SPOCK3: variants seen among roughly 807,000 people sequenced by gnomAD.
The protein encoded by SPOCK3 is SPARC (osteonectin), cwcv and kazal like domains proteoglycan 3, also known as testican-3.
SPOCK3 carries 30 observed loss-of-function variants against 56.6 expected under a neutral mutation model. The ratio of observed to expected loss-of-function variants is 0.53; its 90% CI spans 0.40 to 0.72. SPOCK3 has a LOEUF of 0.72. SPOCK3 is among the 30% of genes least tolerant of loss of function. SPOCK3 has a pLI of 0.00. For synonymous variants in SPOCK3, 196 were observed against 183.3 expected, an observed-to-expected ratio of 1.07 and a Z score of -0.56; for missense variants, 527 against 530.0, an observed-to-expected ratio of 0.99 and a Z score of 0.06.
At chr4:167,095,019 G>C (rs568988349) in intron 2 of SPOCK3, among the ~76,000 whole-genome samples, 7 of 152,056 alleles carry the variant, frequency 4.6e-5, no homozygotes, top group Admixed American at 3.3e-4. Context: ...CTCTCAGCTC[G>C]AAGACAGTCA....
intron 8 of SPOCK3, among the ~76,000 whole-genome samples, chr4:166,753,629 T>C (rs1012977562): frequency 6.6e-6 from 1 of 152,066 alleles, no homozygotes; most frequent in African/African-American, 2.4e-5. Flanking sequence ...TATCGAAGAC[T>C]GGTAATCATT....
At chr4:167,013,399 T>C (rs949326309) in intron 3 of SPOCK3, among the ~76,000 whole-genome samples, 12 of 151,698 alleles carry the variant, frequency 7.9e-5, no homozygotes, top group Non-Finnish European at 5.9e-5. Flanking sequence ...ATATATAATA[T>C]TGTCTTCTAA....
chr4:167,003,566 A>C (rs1281418274), intron 3 of SPOCK3, among the ~76,000 whole-genome samples: 2 of 152,308 alleles, frequency 1.3e-5, no homozygotes, highest in East Asian at 1.9e-4. Flanking sequence ...GCATAAATTC[A>C]TCATCTCCCT....
intron 4 of SPOCK3, among the ~76,000 whole-genome samples, chr4:166,927,662 G>C (rs1371713083): frequency 2.6e-5 from 4 of 152,124 alleles, no homozygotes; most frequent in Admixed American, 6.5e-5. Flanking sequence ...CATCACCTCG[G>C]TTTTGGAAAG....
chr4:166,805,591 T>C (rs1743078421), intron 6 of SPOCK3, among the ~76,000 whole-genome samples: 1 of 152,112 alleles, frequency 6.6e-6, no homozygotes. Context: ...AAAAAATGCA[T>C]ATTTAATCAG....
At chr4:167,122,040 T>C (rs948983410) in intron 2 of SPOCK3, among the ~76,000 whole-genome samples, 5 of 147,570 alleles carry the variant, frequency 3.4e-5, no homozygotes, top group African/African-American at 1.2e-4. Flanking sequence ...CCTGCCTCCC[T>C]CCCTTCCTTC....
At chr4:166,937,811 T>G (rs1210026653) in intron 4 of SPOCK3, among the ~76,000 whole-genome samples, 2 of 149,710 alleles carry the variant, frequency 1.3e-5, no homozygotes, top group African/African-American at 4.9e-5. Flanking sequence ...AGGCTAGAGT[T>G]AGAGTGCAGT....
intron 4 of SPOCK3, among the ~76,000 whole-genome samples, chr4:166,961,094 A>G (rs1033820484): frequency 3.3e-5 from 5 of 152,184 alleles, no homozygotes; most frequent in African/African-American, 1.2e-4. Flanking sequence ...GGCAAATGAT[A>G]TAATCATACA....
chr4:166,992,227 G>C (rs915015142), intron 4 of SPOCK3, among the ~76,000 whole-genome samples: 1 of 151,984 alleles, frequency 6.6e-6, no homozygotes, highest in African/African-American at 2.4e-5. Flanking sequence ...GGAACTGAGT[G>C]GTCTGCGGAG....
chr4:166,823,902 C>T (rs888827199), intron 6 of SPOCK3, among the ~76,000 whole-genome samples: 2 of 152,048 alleles, frequency 1.3e-5, no homozygotes, highest in East Asian at 3.9e-4. Context: ...CAAGTTTTTG[C>T]CTTTAGTACC....
In SPOCK3 at chr4:167,003,921, T is replaced by A. The variant is rs183852762; in HGVS notation, c.236-3458A>T. Among the ~76,000 whole-genome samples the A allele has an allele frequency of 2.8e-3, 434 of 152,322 alleles. 2 individuals carry two copies. Among genetic ancestry groups the A allele is most frequent in the African/African-American group, 0.01 (418 of 41,568 alleles). ...ATCTTTTGCCAGAATACTTGTTTTT[T>A]AGTCCAGAATTTTTCCCAGTTACTT... is the stretch of plus-strand genomic sequence containing the variant. On this transcript the variant is annotated intron_variant, in intron 3 of 10. Transcript: ENST00000357545.
Position 167,234,075 on chromosome 4 carries a change from C to T in SPOCK3, c.99G>A (p.Ser33=). 6.2e-7 allele frequency: 1 copy of T among 1,613,850 alleles called. No individual in the cohort carries two copies. Among genetic ancestry groups the T allele is most frequent in the Non-Finnish European group, 8.5e-7 (1 of 1,179,974 alleles). ...AAAVAAAGGR[S]DGGNFLDDKQ... ...TATCATCCAGAAAATTACCGCCGTC[C>T]GACCGCCCCCCGGCTGCAGCCACCG... Residue 33 remains serine, a synonymous_variant, in exon 2 of 11, where the codon TCG becomes TCA. Coordinates refer to ENST00000357545, the MANE Select transcript of SPOCK3 (RefSeq NM_001040159.2).
chr4:166,792,183 C>A lies in SPOCK3; in HGVS notation c.696G>T (p.Arg232Ser). ...SQNKKTKTLL[R>S]PERSRFDTSI... Reference sequence around the variant, plus strand: ...TAGAAATCTTACTGCTTCTCTCAGGCCTCAGCAATGTTTTTGTCTTCTTGT... The same window carrying A: ...TAGAAATCTTACTGCTTCTCTCAGGACTCAGCAATGTTTTTGTCTTCTTGT... Residue 232 changes from arginine (R) to serine (S), a missense_variant, in exon 7 of 11, where the codon AGG becomes AGT. Arg to Ser is a moderately radical substitution (Grantham distance 110). Coordinates refer to ENST00000357545, the MANE Select transcript of SPOCK3 (RefSeq NM_001040159.2). 1 of 1,613,804 alleles carries A rather than the reference C, an allele frequency of 6.2e-7. No individual in the cohort carries two copies. Among genetic ancestry groups the A allele is most frequent in the East Asian group, 2.2e-5 (1 of 44,850 alleles).
intron 3 of SPOCK3, among the ~76,000 whole-genome samples, chr4:167,056,381 C>A (rs1168006629): frequency 6.6e-6 from 1 of 152,216 alleles, no homozygotes; most frequent in Non-Finnish European, 1.5e-5. Flanking sequence ...CAGAGTGCCT[C>A]TTCTCCTCCA....
chr4:166,762,281 A>C (rs541589973), intron 7 of SPOCK3, among the ~76,000 whole-genome samples: 11 of 152,226 alleles, frequency 7.2e-5, no homozygotes, highest in African/African-American at 2.6e-4. Context: ...TTTTTAAAAT[A>C]GTATATTTTG....
chr4:166,936,963 C>G (rs1375501058), intron 4 of SPOCK3, among the ~76,000 whole-genome samples: 1 of 151,896 alleles, frequency 6.6e-6, no homozygotes, highest in Admixed American at 6.6e-5. Flanking sequence ...GTAACTTTTT[C>G]TTTGATAATG....
intron 2 of SPOCK3, among the ~76,000 whole-genome samples, chr4:167,131,826 T>G (rs1346538761): frequency 6.6e-6 from 1 of 152,192 alleles, no homozygotes; most frequent in Non-Finnish European, 1.5e-5. Context: ...AGAGAAATTA[T>G]GAGAAACAGA....
intron 6 of SPOCK3, among the ~76,000 whole-genome samples, chr4:166,874,066 C>T (rs1392876691): frequency 1.3e-5 from 2 of 151,990 alleles, no homozygotes; most frequent in Non-Finnish European, 2.9e-5. Context: ...AGTAGTGTCG[C>T]CATGCAGGGG....
chr4:166,826,797 C>A (rs1325551405), intron 6 of SPOCK3, among the ~76,000 whole-genome samples: 1 of 152,012 alleles, frequency 6.6e-6, no homozygotes, highest in Non-Finnish European at 1.5e-5. Flanking sequence ...ATGTCACTCA[C>A]CCCTTTGTAG....
Sources: gnomAD v4.1 joint callset for allele counts (sites outside exome capture counted in the v4.1 genomes callset) on GRCh38, gnomAD v4.1.1 for gene constraint, MANE v1.5 for transcripts, NCBI Gene and HGNC (gene_info 2026-07-23, HGNC 2026-07-21) for gene names.